The following RP1 variants were observed in gnomAD, a reference collection of about 807,000 sequenced individuals.
RP1 encodes oxygen-regulated protein 1.
Under a neutral mutation model 14.8 loss-of-function variants are expected in RP1, and 16 were observed. The ratio of observed to expected loss-of-function variants is 1.08; its 90% confidence interval spans 0.73 to 1.65. RP1 has a LOEUF of 1.65. RP1 is among the 40% of genes most tolerant of loss of function. The pLI is 0.00. For missense variants in RP1, 2,631 were observed against 2,535.0 expected (o/e 1.04, Z -0.81); for synonymous variants, 876 against 883.6 (o/e 0.99, Z 0.15).
intron 12 of RP1, among the ~76,000 whole-genome samples, chr8:54,691,456 T>A (rs1807706037): frequency 6.6e-6 from 1 of 152,052 alleles, no homozygotes; most frequent in South Asian, 2.1e-4. Flanking sequence ...AATTATGAGT[T>A]CTAGTTTGTG....
intron 3 of RP1, among the ~76,000 whole-genome samples, chr8:54,623,812 T>C (rs1805947830): frequency 6.6e-6 from 1 of 152,204 alleles, no homozygotes; most frequent in East Asian, 1.9e-4. Flanking sequence ...TTCATAAAGC[T>C]ATGGATACCT....
chr8:54,711,130 C>G (rs993328295), intron 15 of RP1, among the ~76,000 whole-genome samples: 1 of 152,038 alleles, frequency 6.6e-6, no homozygotes, highest in Non-Finnish European at 1.5e-5. Context: ...TGAGTGTAAT[C>G]CTTGAGGATT....
At chr8:54,784,203 G>T (rs1042520986) in intron 24 of RP1, among the ~76,000 whole-genome samples, 1 of 152,004 alleles carries the variant, frequency 6.6e-6, no homozygotes, top group Non-Finnish European at 1.5e-5. Context: ...ATGGTGACCT[G>T]GACACATTAT....
At chr8:54,852,788 A>G in intron 26 of RP1, 3 of 1,180,670 alleles carry the variant, frequency 2.5e-6, no homozygotes, top group Non-Finnish European at 3.2e-6. Context: ...TTTATTTAAC[A>G]AAAACACACA....
Position 54,696,754 on chromosome 8 carries a change from C to G in RP1, c.1718-2713C>G, listed in dbSNP as rs193159100. On this transcript the variant is annotated intron_variant, in intron 12 of 22. Coordinates refer to the RP1 transcript ENST00000636932. The stretch of plus-strand genomic sequence containing the variant: ...GCCTAAAGAAAATGTTTAGTGGTGT[C>G]TTGGTAAAAGTCACCCCCCAGAACC... The G allele has an allele frequency of 1.5e-4, 112 of 725,434 alleles. 1 individual carries two copies. In the African/African-American group the frequency reaches 1.8e-3, roughly 12 times the overall value. 44.9% of individuals were successfully genotyped at this position (725,434 alleles called of 1,614,324 possible). A position where few individuals can be genotyped will look rare whatever the true frequency, so the allele number is the denominator to read the frequency against.
At chr8:54,838,434 T>C (rs1248218333) in intron 25 of RP1, among the ~76,000 whole-genome samples, 1 of 152,176 alleles carries the variant, frequency 6.6e-6, no homozygotes, top group Non-Finnish European at 1.5e-5. Context: ...AATTACTGTG[T>C]ATATGTGTGT....
chr8:54,701,199 AT>A lies in RP1; in HGVS notation c.1822-286del, dbSNP rs771511337. ...GACACAAATGAGAAAATGAAAAAAA[AT>A]GATAAGATACATATTAGGATCTTAT... On this transcript the variant is annotated intron_variant, in intron 13 of 22. Transcript: ENST00000636932. Among the ~76,000 whole-genome samples, 97 of 152,316 alleles carry A rather than the reference AT, an allele frequency of 6.4e-4. 1 individual carries two copies. In the Middle Eastern group the frequency reaches 0.014, roughly 21 times the overall value.
intron 13 of RP1, among the ~76,000 whole-genome samples, chr8:54,699,971 T>C (rs1314508003): frequency 6.6e-6 from 1 of 152,194 alleles, no homozygotes; most frequent in African/African-American, 2.4e-5. Flanking sequence ...AAATAATACA[T>C]TGTACGATAA....
At chr8:54,690,186 T>C (rs1406317889) in intron 12 of RP1, among the ~76,000 whole-genome samples, 1 of 152,034 alleles carries the variant, frequency 6.6e-6, no homozygotes, top group Non-Finnish European at 1.5e-5. Flanking sequence ...TAACCCTTGG[T>C]ACTAATGGAA....
At chr8:54,761,574 T>G (rs1213381501) in intron 22 of RP1, among the ~76,000 whole-genome samples, 1 of 152,158 alleles carries the variant, frequency 6.6e-6, no homozygotes, top group African/African-American at 2.4e-5. Context: ...TGTGCCACCA[T>G]GGCCTCCTTT....
chr8:54,673,903 G>A (rs1421089682), exon 8 of RP1: 2 of 1,535,924 alleles, frequency 1.3e-6, no homozygotes, highest in Admixed American at 3.9e-5. Flanking sequence ...GTAAGATTGT[G>A]ATAGGCCATG....
At position 54,596,062 on chromosome 8, in the gene RP1, C is replaced by T. The variant is rs1240330354; in HGVS notation, c.-12-24893C>T. On this transcript the variant is annotated intron_variant, in intron 1 of 22. Coordinates refer to the RP1 transcript ENST00000636932. ...AATGATACATTGTAATTTAGTGTTG[C>T]TTAGAAAATTCTTGGGATATATAGA... Among the ~76,000 whole-genome samples the T allele has an allele frequency of 2.6e-5, 4 of 152,116 alleles. No homozygotes were observed. In the East Asian group the frequency reaches 5.8e-4, roughly 22 times the overall value.
chr8:54,629,067 A>T lies in RP1; in HGVS notation c.5185A>T (p.Ser1729Cys), dbSNP rs1806171432. The T allele has an allele frequency of 6.2e-7, 1 of 1,614,156 alleles. No individual in the cohort carries two copies. The highest frequency in any genetic ancestry group is 1.1e-5 in the South Asian group (1 of 91,074). The stretch of plus-strand genomic sequence containing the variant: ...ACCTGGTACAAAACAAAATGATGAT[A>T]GCAGAATCCTCACAGACATAGAGGA... ...VEPGTKQNDD[S>C]RILTDIEEGV... Residue 1729 changes from serine to cysteine, a missense_variant, in exon 4 of 4, where the codon AGC becomes TGC. Coordinates refer to ENST00000220676, the MANE Select transcript of RP1 (RefSeq NM_006269.2).
chr8:54,825,764 A>G (rs1195492090), intron 24 of RP1, among the ~76,000 whole-genome samples: 1 of 152,144 alleles, frequency 6.6e-6, no homozygotes, highest in Non-Finnish European at 1.5e-5. Context: ...GTTTTCCTTT[A>G]CATATTTTGC....
chr8:54,600,492 A>C lies in RP1; in HGVS notation c.-12-20463A>C, dbSNP rs1356433200. Among the ~76,000 whole-genome samples, 4 of 152,210 alleles carry C rather than the reference A, an allele frequency of 2.6e-5. No homozygotes were observed. The East Asian group carries it at 7.7e-4, about 29-fold the overall frequency. On this transcript the variant is annotated intron_variant, in intron 1 of 22. Coordinates refer to the RP1 transcript ENST00000636932. ...ACCCATTACTGCTAAATGGTGGTGA[A>C]AGTTCTGGCTTCCCTCTGGGCTTCT...
At chr8:54,665,228 T>C (rs1404411008) in intron 7 of RP1, among the ~76,000 whole-genome samples, 3 of 152,176 alleles carry the variant, frequency 2.0e-5, no homozygotes, top group Non-Finnish European at 4.4e-5. Context: ...TGGGACATAT[T>C]CCCCTTTTTT....
chr8:54,609,404 T>C (rs938227655), intron 1 of RP1, among the ~76,000 whole-genome samples: 1 of 152,116 alleles, frequency 6.6e-6, no homozygotes, highest in Non-Finnish European at 1.5e-5. Flanking sequence ...CAATGAGCCA[T>C]GATTGTGTCT....
Position 54,626,336 on chromosome 8 carries a change from T to C in RP1, c.2454T>C (p.Ser818=), listed in dbSNP as rs956425635. The change falls in exon 4 of 4, where the codon AGT becomes AGC. Residue 818 remains serine (S), a synonymous_variant. Transcript: ENST00000220676. ...KYCKSTFENK[S]LFHVFNILEQ... is the part of the protein sequence containing the mutation. ...GCAAAAGTACTTTTGAAAACAAAAG[T>C]TTATTTCATGTATTTAACATCCTTG... 1 of 1,613,482 alleles carries C rather than the reference T, an allele frequency of 6.2e-7. No individual in the cohort carries two copies. The highest frequency in any genetic ancestry group is 1.3e-5 in the African/African-American group (1 of 74,912).
At chr8:54,814,948 G>GCA (rs1373967369) in intron 24 of RP1, among the ~76,000 whole-genome samples, 1 of 152,246 alleles carries the variant, frequency 6.6e-6, no homozygotes, top group East Asian at 1.9e-4. Context: ...GGCAGAGGTT[G>GCA]CAGTGAGCCG....
Sources: gnomAD v4.1 joint callset for allele counts (sites outside exome capture counted in the v4.1 genomes callset) on GRCh38, gnomAD v4.1.1 for gene constraint, MANE v1.5 for transcripts, NCBI Gene and HGNC (gene_info 2026-07-23, HGNC 2026-07-21) for gene names.